Variants in DIAPH2 observed in about 807,000 individuals in gnomAD.
DIAPH2 encodes protein diaphanous homolog 2.
Under a neutral mutation model 92.7 loss-of-function variants are expected in DIAPH2, and 35 were observed. The observed-to-expected ratio is 0.38, with a 90% CI of 0.29 to 0.50. The LOEUF (loss-of-function observed/expected upper bound fraction) is 0.50. Ranked by LOEUF, DIAPH2 falls within the 20% of genes least tolerant of loss-of-function variation. DIAPH2 has a pLI of 0.94. For missense variants in DIAPH2, 701 were observed against 819.5 expected (o/e 0.86, Z 1.77); for synonymous variants, 301 against 280.4 (o/e 1.07, Z -0.73).
At chrX:97,265,340 C>T (rs1354886358) in intron 23 of DIAPH2, among the ~76,000 whole-genome samples, 1 of 111,718 alleles carries the variant, frequency 9.0e-6, no homozygotes, top group Admixed American at 9.6e-5. Flanking sequence ...TTCCTATGTG[C>T]CGCTCAGTGT....
intron 19 of DIAPH2, among the ~76,000 whole-genome samples, chrX:97,087,474 G>A (rs1004938448): frequency 4.5e-5 from 5 of 111,022 alleles, no homozygotes; most frequent in African/African-American, 6.6e-5. Context: ...ACTCTTCGGC[G>A]GTTTATACTT....
At chrX:97,555,715 A>G (rs1718824697) in intron 26 of DIAPH2, among the ~76,000 whole-genome samples, 1 of 112,108 alleles carries the variant, frequency 8.9e-6, no homozygotes, top group African/African-American at 3.2e-5. Context: ...ACTCTGTGTC[A>G]AAGCCTTTTG....
At chrX:96,923,123 T>C (rs2065557273) in intron 9 of DIAPH2, among the ~76,000 whole-genome samples, 1 of 111,845 alleles carries the variant, frequency 8.9e-6, no homozygotes, top group Admixed American at 9.5e-5. Context: ...AACGGGAAAG[T>C]AGTATAGTTA....
chrX:97,194,451 TC>T (rs1455206198), intron 22 of DIAPH2, among the ~76,000 whole-genome samples: 2 of 109,738 alleles, frequency 1.8e-5, no homozygotes, highest in East Asian at 2.9e-4. Context: ...CCGGCTAATT[TC>T]TTTTTGTATT....
At chrX:97,016,262 C>T (rs1233382787) in intron 17 of DIAPH2, among the ~76,000 whole-genome samples, 1 of 111,751 alleles carries the variant, frequency 8.9e-6, no homozygotes, top group Non-Finnish European at 1.9e-5. Context: ...TTTCTTAAGG[C>T]TAAATTGTTC....
At chrX:97,459,267 C>T (rs1051781069) in intron 26 of DIAPH2, among the ~76,000 whole-genome samples, 9 of 111,930 alleles carry the variant, frequency 8.0e-5, no homozygotes, top group African/African-American at 2.3e-4. Flanking sequence ...TTGAGAGTCT[C>T]GCTTAGTGCT....
chrX:96,947,989 C>T (rs1332279783), intron 14 of DIAPH2, among the ~76,000 whole-genome samples: 1 of 111,378 alleles, frequency 9.0e-6, no homozygotes, highest in East Asian at 2.8e-4. Context: ...GGCTTAGCAC[C>T]CCATATTTTA....
At chrX:96,837,021 C>G (rs1021608801) in intron 4 of DIAPH2, among the ~76,000 whole-genome samples, 1 of 108,896 alleles carries the variant, frequency 9.2e-6, no homozygotes, top group African/African-American at 3.4e-5. Context: ...GCCACCGCGC[C>G]CGGCAGGTAT....
chrX:97,069,349 G>A (rs1223484313), intron 17 of DIAPH2, among the ~76,000 whole-genome samples: 1 of 111,320 alleles, frequency 9.0e-6, no homozygotes, highest in East Asian at 2.8e-4. Context: ...AAGGTATGAT[G>A]TTCCCTATAT....
At chrX:96,983,745 C>G (rs1377558001) in intron 17 of DIAPH2, among the ~76,000 whole-genome samples, 2 of 111,372 alleles carry the variant, frequency 1.8e-5, no homozygotes, top group African/African-American at 6.5e-5. Flanking sequence ...ATTATGGTGT[C>G]ATTTGCATTT....
At chrX:96,747,956 A>ACTC (rs1220140299) in intron 3 of DIAPH2, among the ~76,000 whole-genome samples, 2 of 111,826 alleles carry the variant, frequency 1.8e-5, no homozygotes, top group Non-Finnish European at 3.8e-5. Context: ...CAATATCCTT[A>ACTC]CTCCATATCA....
intron 4 of DIAPH2, among the ~76,000 whole-genome samples, chrX:96,812,554 C>T (rs892237726): frequency 1.4e-4 from 15 of 110,870 alleles, no homozygotes; most frequent in Admixed American, 9.6e-4. Flanking sequence ...ATTTCTTGCC[C>T]TCTGCTAGCT....
At chrX:96,841,340 C>G (rs2064935241) in intron 4 of DIAPH2, among the ~76,000 whole-genome samples, 1 of 111,990 alleles carries the variant, frequency 8.9e-6, no homozygotes, top group Admixed American at 9.5e-5. Context: ...AGAAAGAACT[C>G]AGAAATCAAA....
chrX:97,034,379 G>T (rs1283363740), intron 17 of DIAPH2, among the ~76,000 whole-genome samples: 1 of 109,998 alleles, frequency 9.1e-6, no homozygotes, highest in Non-Finnish European at 1.9e-5. Flanking sequence ...AATCTACATG[G>T]TATATACAGA....
chrX:97,247,875 T>C, intron 23 of DIAPH2, 36 bp downstream of exon 23: 1 of 1,167,601 alleles, frequency 8.6e-7, no homozygotes. Context: ...TGTCTAGTTT[T>C]TAGTCTCTAT....
In DIAPH2 at chrX:97,048,669, C is replaced by CAGTACTCCT. The variant is rs755964604; in HGVS notation, c.2051-24271_2051-24263dup. 2.7e-5 allele frequency among the ~76,000 whole-genome samples: 3 copies of CAGTACTCCT among 111,452 alleles called. No individual in the cohort carries two copies. In the Admixed American group the frequency reaches 2.9e-4, roughly 11 times the overall value. ...TTGTAAAATGATACGTGGCCAATTACAGTACTCCTTCCACAAATAGCGGTT... is the reference window on the plus strand; with the variant it reads ...TTGTAAAATGATACGTGGCCAATTACAGTACTCCTAGTACTCCTTCCACAAATAGCGGTT... On this transcript the variant is annotated intron_variant, in intron 17 of 26. Coordinates refer to ENST00000324765, the MANE Select transcript of DIAPH2 (RefSeq NM_006729.5).
intron 1 of DIAPH2, among the ~76,000 whole-genome samples, chrX:96,698,508 C>T (rs192315864): frequency 3.0e-4 from 33 of 110,625 alleles, no homozygotes; most frequent in South Asian, 1.2e-3. Context: ...TGACTTGTGA[C>T]GAGTAATAGA....
intron 17 of DIAPH2, among the ~76,000 whole-genome samples, chrX:97,009,022 C>G (rs2066205432): frequency 9.0e-6 from 1 of 111,186 alleles, no homozygotes; most frequent in Non-Finnish European, 1.9e-5. Flanking sequence ...GCAGTGAGTA[C>G]CCTTTGGCCT....
chrX:96,872,072 C>A (rs1032739826), intron 4 of DIAPH2, among the ~76,000 whole-genome samples: 1 of 111,217 alleles, frequency 9.0e-6, no homozygotes, highest in Non-Finnish European at 1.9e-5. Context: ...TTAAGGGGTA[C>A]GTGAGATGTT....
Sources: allele counts gnomAD v4.1 joint callset (sites outside exome capture counted in the v4.1 genomes callset), GRCh38; gene constraint gnomAD v4.1.1; transcripts MANE v1.5; gene names NCBI Gene and HGNC (gene_info 2026-07-23, HGNC 2026-07-21).